Variants in TRHDE observed in about 807,000 individuals in gnomAD.
TRHDE encodes thyrotropin-releasing hormone-degrading ectoenzyme.
TRHDE carries 72 observed loss-of-function variants against 125.7 expected under a neutral mutation model. That is an observed-to-expected ratio of 0.57 (90% confidence interval 0.47 to 0.70). The LOEUF (loss-of-function observed/expected upper bound fraction) is 0.70, where lower values mean the gene tolerates loss of function less well. TRHDE is among the 30% of genes least tolerant of loss of function. The probability of loss-of-function intolerance (pLI) is 0.00; values close to 1 mark genes in which losing one functional copy is unlikely to be tolerated. For missense variants in TRHDE, 1,110 were observed against 1,327.1 expected (o/e 0.84, Z 2.54); for synonymous variants, 509 against 509.1 (o/e 1.00, Z 0.00).
At chr12:72,518,552 A>T (rs1163341979) in intron 6 of TRHDE, among the ~76,000 whole-genome samples, 4 of 151,958 alleles carry the variant, frequency 2.6e-5, no homozygotes, top group Non-Finnish European at 1.5e-5. Flanking sequence ...TGCATGTGAG[A>T]TGGGTTTCCT....
intron 2 of TRHDE, among the ~76,000 whole-genome samples, chr12:72,153,237 G>A (rs1462278007): frequency 6.6e-6 from 1 of 152,114 alleles, no homozygotes; most frequent in Non-Finnish European, 1.5e-5. Flanking sequence ...GGGATTGGTG[G>A]TGATCTCCCC....
intron 4 of TRHDE, among the ~76,000 whole-genome samples, chr12:72,472,099 T>C (rs1002226991): frequency 5.3e-5 from 8 of 152,346 alleles, no homozygotes; most frequent in African/African-American, 1.9e-4. Flanking sequence ...GCTTTTACAA[T>C]GTAAAGCAGT....
chr12:72,598,571 G>A (rs1445483917), intron 12 of TRHDE, among the ~76,000 whole-genome samples: 1 of 152,132 alleles, frequency 6.6e-6, no homozygotes, highest in Non-Finnish European at 1.5e-5. Context: ...CCAAGTCTAA[G>A]TAGTGGGGCA....
chr12:72,390,309 G>A (rs1319217079), intron 3 of TRHDE, among the ~76,000 whole-genome samples: 1 of 152,108 alleles, frequency 6.6e-6, no homozygotes, highest in African/African-American at 2.4e-5. Flanking sequence ...TCCTTCACTG[G>A]CTGTTGGTCA....
intron 3 of TRHDE, among the ~76,000 whole-genome samples, chr12:72,390,947 A>C (rs1434678165): frequency 6.6e-6 from 1 of 152,150 alleles, no homozygotes; most frequent in Non-Finnish European, 1.5e-5. Context: ...TGTCTAATAT[A>C]AAAGGCGAGT....
At chr12:72,134,796 G>T (rs1875944186) in intron 2 of TRHDE, among the ~76,000 whole-genome samples, 1 of 152,106 alleles carries the variant, frequency 6.6e-6, no homozygotes, top group South Asian at 2.1e-4. Flanking sequence ...GGGTGCAGAG[G>T]AGGAGGTGGG....
At chr12:72,263,566 A>C (rs1175642620) in intron 2 of TRHDE, 1 of 152,112 alleles carries the variant, frequency 6.6e-6, no homozygotes, top group Non-Finnish European at 1.5e-5. Flanking sequence ...AACTGGATAT[A>C]TGTCAGAATG....
At position 72,474,446 on chromosome 12, in the gene TRHDE, G is replaced by A. The variant is rs534804525; in HGVS notation, c.1584+1266G>A. Among the ~76,000 whole-genome samples, 549 of 152,092 alleles carry A rather than the reference G, an allele frequency of 3.6e-3. 8 individuals are homozygous for A. The highest frequency in any genetic ancestry group is 3.9e-3 in the Non-Finnish European group (267 of 67,952). ...ACATCCTTGTTTCCTCCTCCCCCAA[G>A]CCTCTGGCAACCACCATTTTATTCT... On this transcript the variant is annotated intron_variant, in intron 5 of 18. Coordinates refer to ENST00000261180, the MANE Select transcript of TRHDE (RefSeq NM_013381.3).
At chr12:72,307,905 A>G (rs1347443181) in intron 2 of TRHDE, among the ~76,000 whole-genome samples, 1 of 152,142 alleles carries the variant, frequency 6.6e-6, no homozygotes, top group African/African-American at 2.4e-5. Context: ...AACACATTTT[A>G]TGTGCACCTG....
intron 12 of TRHDE, among the ~76,000 whole-genome samples, chr12:72,605,049 T>G (rs1872374355): frequency 6.6e-6 from 1 of 152,064 alleles, no homozygotes. Flanking sequence ...AGATGAATAG[T>G]GTATTTTGAA....
intron 2 of TRHDE, among the ~76,000 whole-genome samples, chr12:72,160,179 TC>T (rs1448337221): frequency 6.6e-6 from 1 of 152,210 alleles, no homozygotes; most frequent in Non-Finnish European, 1.5e-5. Flanking sequence ...GGCCAAGGTT[TC>T]TTGGCTGCCC....
chr12:72,138,026 C>T (rs1282021720), intron 2 of TRHDE, among the ~76,000 whole-genome samples: 4 of 152,164 alleles, frequency 2.6e-5, no homozygotes, highest in East Asian at 3.9e-4. Flanking sequence ...TCCTGGGCCT[C>T]GCCCCAGGCT....
chr12:72,512,450 A>AAC (rs1878626581), intron 6 of TRHDE, among the ~76,000 whole-genome samples: 1 of 140,172 alleles, frequency 7.1e-6, no homozygotes. Context: ...TTATAATTAT[A>AAC]TAATTATAAT....
chr12:72,467,142 T>A (rs763848131), intron 3 of TRHDE, among the ~76,000 whole-genome samples: 9 of 152,346 alleles, frequency 5.9e-5, no homozygotes, highest in Non-Finnish European at 1.0e-4. Context: ...TGCAGGTTTG[T>A]TACATATGTA....
intron 2 of TRHDE, among the ~76,000 whole-genome samples, chr12:72,304,359 C>A (rs1868307736): frequency 6.6e-6 from 1 of 152,130 alleles, no homozygotes; most frequent in African/African-American, 2.4e-5. Context: ...GTGGGAACAG[C>A]TACAGAGGGA....
In TRHDE at chr12:72,353,878, T is replaced by G. The variant is rs1465231175; in HGVS notation, c.1189-24117T>G. 2.8e-5 allele frequency among the ~76,000 whole-genome samples: 4 copies of G among 144,732 alleles called. No individual in the cohort carries two copies. In the East Asian group the frequency reaches 8.6e-4, roughly 31 times the overall value. 94.9% of individuals were successfully genotyped at this position (144,732 alleles called of 152,430 possible). ...GCCATTTCAGAGAGCTTCTTGTAGA[T>G]CTTATGGAAATTGAGTATGCTAATC... On this transcript the variant is annotated intron_variant, in intron 2 of 18. Coordinates refer to ENST00000261180, the MANE Select transcript of TRHDE (RefSeq NM_013381.3).
chr12:72,506,008 A>G (rs150166256), intron 6 of TRHDE, among the ~76,000 whole-genome samples: 3 of 152,274 alleles, frequency 2.0e-5, no homozygotes, highest in Admixed American at 6.5e-5. Context: ...TTCTTCAACA[A>G]TGCAACCCAG....
intron 5 of TRHDE, among the ~76,000 whole-genome samples, chr12:72,487,998 C>CA (rs889794276): frequency 2.7e-5 from 4 of 147,944 alleles, no homozygotes; most frequent in South Asian, 2.1e-4. Flanking sequence ...AACCACAAAA[C>CA]AAAAAAAAAT....
chr12:72,608,231 C>A (rs1328334266), intron 12 of TRHDE, among the ~76,000 whole-genome samples: 1 of 152,144 alleles, frequency 6.6e-6, no homozygotes, highest in Non-Finnish European at 1.5e-5. Context: ...CCTTCTCAGG[C>A]AAGGTATAGA....
Sources: gnomAD v4.1 joint callset for allele counts (sites outside exome capture counted in the v4.1 genomes callset) on GRCh38, gnomAD v4.1.1 for gene constraint, MANE v1.5 for transcripts, NCBI Gene and HGNC (gene_info 2026-07-23, HGNC 2026-07-21) for gene names.